The following SLC24A2 variants were observed in gnomAD, a reference collection of about 807,000 sequenced individuals.
The protein encoded by SLC24A2 is solute carrier family 24 member 2, also known as sodium/potassium/calcium exchanger 2.
SLC24A2 carries 36 observed loss-of-function variants against 62.0 expected under a neutral mutation model. That is an observed-to-expected ratio of 0.58 (90% confidence interval 0.44 to 0.77). SLC24A2 has a LOEUF of 0.77. Ranked by LOEUF, SLC24A2 falls within the 30% of genes least tolerant of loss-of-function variation. The pLI is 0.00. For missense variants in SLC24A2, 846 were observed against 817.9 expected, an observed-to-expected ratio of 1.03 and a Z score of -0.42; for synonymous variants, 358 against 294.0, an observed-to-expected ratio of 1.22 and a Z score of -2.23.
chr9:20,280,473 G>A, the SLC24A2 span, among the ~76,000 whole-genome samples: 1 of 152,218 alleles, frequency 6.6e-6, no homozygotes, highest in Admixed American at 6.5e-5. Context: ...AGCCTGGTAA[G>A]GGAGGTCTGG....
At chr9:20,138,149 G>A in the SLC24A2 span, among the ~76,000 whole-genome samples, 2 of 152,136 alleles carry the variant, frequency 1.3e-5, no homozygotes, top group Non-Finnish European at 2.9e-5. Context: ...AATGGAGACA[G>A]CCCTTTGGAT....
the SLC24A2 span, among the ~76,000 whole-genome samples, chr9:20,057,750 C>T: frequency 6.6e-6 from 1 of 152,132 alleles, no homozygotes; most frequent in Non-Finnish European, 1.5e-5. Flanking sequence ...TTGTTTAGTA[C>T]ATTACACTTT....
chr9:19,962,414 C>T, the SLC24A2 span, among the ~76,000 whole-genome samples: 3 of 152,238 alleles, frequency 2.0e-5, no homozygotes, highest in Admixed American at 1.3e-4. Flanking sequence ...TCATTGGTAG[C>T]CTGATGGGGA....
At chr9:20,147,741 C>A in the SLC24A2 span, among the ~76,000 whole-genome samples, 2 of 152,100 alleles carry the variant, frequency 1.3e-5, no homozygotes, top group African/African-American at 2.4e-5. Flanking sequence ...AGTATCAACT[C>A]TACCTGTCTT....
the SLC24A2 span, among the ~76,000 whole-genome samples, chr9:20,060,735 C>T: frequency 2.0e-5 from 3 of 151,900 alleles, no homozygotes; most frequent in Non-Finnish European, 4.4e-5. Context: ...TTAAATACAA[C>T]CATATTAGAA....
intron 2 of SLC24A2, among the ~76,000 whole-genome samples, chr9:19,764,528 CTTATTTAT>C (rs531317920): frequency 1.5e-4 from 23 of 152,136 alleles, no homozygotes; most frequent in Non-Finnish European, 1.2e-4. Context: ...TTTCAAAGAA[CTTATTTAT>C]TTCTGTCTTA....
the SLC24A2 span, among the ~76,000 whole-genome samples, chr9:20,066,888 A>C: frequency 3.9e-4 from 59 of 152,292 alleles, no homozygotes; most frequent in African/African-American, 1.4e-3. Flanking sequence ...ATTGACCTCA[A>C]AGGCTAATTG....
chr9:20,144,921 G>A, the SLC24A2 span, among the ~76,000 whole-genome samples: 2 of 152,022 alleles, frequency 1.3e-5, no homozygotes, highest in East Asian at 1.9e-4. Flanking sequence ...GCTTGAAGAG[G>A]CCTCAAGCAA....
the SLC24A2 span, among the ~76,000 whole-genome samples, chr9:20,274,883 C>G: frequency 6.6e-6 from 1 of 152,036 alleles, no homozygotes; most frequent in East Asian, 1.9e-4. Context: ...TACTAGACAT[C>G]AGTCACTGTG....
the SLC24A2 span, among the ~76,000 whole-genome samples, chr9:20,081,496 G>A: frequency 5.3e-5 from 6 of 114,108 alleles, no homozygotes; most frequent in South Asian, 2.2e-3. Flanking sequence ...GGGGAGGGGG[G>A]GAGGGACAAC....
the SLC24A2 span, among the ~76,000 whole-genome samples, chr9:19,907,938 C>T: frequency 6.6e-6 from 1 of 152,068 alleles, no homozygotes; most frequent in South Asian, 2.1e-4. Flanking sequence ...CAATGCCATC[C>T]CCATCAAGCT....
intron 4 of SLC24A2, among the ~76,000 whole-genome samples, chr9:19,602,958 G>A (rs188350319): frequency 1.4e-4 from 21 of 152,252 alleles, no homozygotes; most frequent in Admixed American, 1.4e-3. Flanking sequence ...CAGAGTTCGA[G>A]CTGAATATTC....
chr9:19,916,060 A>T, the SLC24A2 span, among the ~76,000 whole-genome samples: 1 of 152,062 alleles, frequency 6.6e-6, no homozygotes. Flanking sequence ...GGTAAGCCTT[A>T]GATCCGTTAG....
chr9:20,074,085 G>C, the SLC24A2 span, among the ~76,000 whole-genome samples: 1 of 151,840 alleles, frequency 6.6e-6, no homozygotes, highest in Non-Finnish European at 1.5e-5. Context: ...TCAAAATCCA[G>C]GTCTCAAGAA....
chr9:19,747,277 A>G (rs570477029), intron 2 of SLC24A2, among the ~76,000 whole-genome samples: 56 of 152,014 alleles, frequency 3.7e-4, no homozygotes, highest in African/African-American at 1.3e-3. Flanking sequence ...TATCATTCCC[A>G]TGTACTTTTT....
the SLC24A2 span, among the ~76,000 whole-genome samples, chr9:19,975,121 C>G: frequency 6.0e-3 from 919 of 152,216 alleles, 18 homozygotes; most frequent in African/African-American, 0.021. Flanking sequence ...AACAGGATCA[C>G]CATGGTTGGT....
intron 2 of SLC24A2, among the ~76,000 whole-genome samples, chr9:19,759,721 G>A (rs930476379): frequency 6.6e-6 from 1 of 152,034 alleles, no homozygotes; most frequent in African/African-American, 2.4e-5. Context: ...TAGGCATTAG[G>A]GATTCATGTG....
chr9:20,037,499 G>A, the SLC24A2 span, among the ~76,000 whole-genome samples: 1 of 152,160 alleles, frequency 6.6e-6, no homozygotes, highest in Non-Finnish European at 1.5e-5. Context: ...CAATATATAT[G>A]GGTGTACAGA....
intron 5 of SLC24A2, among the ~76,000 whole-genome samples, chr9:19,589,589 C>A (rs1038764431): frequency 6.6e-6 from 1 of 152,086 alleles, no homozygotes; most frequent in African/African-American, 2.4e-5. Context: ...TATATTTTTT[C>A]ATCATTTTAA....
Sources: allele counts gnomAD v4.1 joint callset (sites outside exome capture counted in the v4.1 genomes callset), GRCh38; gene constraint gnomAD v4.1.1; transcripts MANE v1.5; gene names NCBI Gene and HGNC (gene_info 2026-07-23, HGNC 2026-07-21).